Variants in ZBTB8OS observed in about 807,000 individuals in gnomAD.
The protein encoded by ZBTB8OS is tRNA-splicing ligase-activating factor archease.
In ZBTB8OS, 16 loss-of-function variants were observed where a neutral mutation model predicts 29.3. That is an observed-to-expected ratio of 0.55 (90% CI 0.37 to 0.83). The LOEUF (loss-of-function observed/expected upper bound fraction) is 0.83, where lower values mean the gene tolerates loss of function less well. Ranked by LOEUF, ZBTB8OS falls within the 40% of genes least tolerant of loss-of-function variation. The pLI is 0.00. For missense variants in ZBTB8OS, 160 were observed against 196.9 expected (o/e 0.81, Z 1.12); for synonymous variants, 70 against 64.6 (o/e 1.08, Z -0.40).
chr1:32,634,521 C>A, intron 2 of ZBTB8OS: 1 of 555,112 alleles, frequency 1.8e-6, no homozygotes, highest in Admixed American at 3.0e-5. Context: ...CCACCACACC[C>A]GGCCTTATTT....
At chr1:32,650,923 G>C, upstream of ZBTB8OS, 1 of 464,092 alleles carries the variant, frequency 2.2e-6, no homozygotes. Context: ...TAGCCTTCAA[G>C]AAAATGGCTG....
intron 1 of ZBTB8OS, among the ~76,000 whole-genome samples, chr1:32,637,359 C>T (rs1646049586): frequency 6.6e-6 from 1 of 151,606 alleles, no homozygotes; most frequent in Non-Finnish European, 1.5e-5. Context: ...GTCAGGGGCT[C>T]GAGACCAGCC....
At chr1:32,637,696 G>A (rs1026862096) in intron 1 of ZBTB8OS, among the ~76,000 whole-genome samples, 1 of 152,194 alleles carries the variant, frequency 6.6e-6, no homozygotes, top group Non-Finnish European at 1.5e-5. Flanking sequence ...GACTGGAAAA[G>A]AGCAAAAGGG....
intron 5 of ZBTB8OS, 22 bp from the exon 6 acceptor site, chr1:32,627,566 A>G: frequency 1.9e-6 from 3 of 1,608,246 alleles, no homozygotes; most frequent in Non-Finnish European, 2.6e-6. Flanking sequence ...AAATTAAAAC[A>G]TGATTAAGAT....
chr1:32,622,291 T>G (rs893802611), intron 6 of ZBTB8OS, among the ~76,000 whole-genome samples: 7 of 152,180 alleles, frequency 4.6e-5, no homozygotes, highest in African/African-American at 1.7e-4. Context: ...ACTGCAGCAC[T>G]ATTCACAATA....
At chr1:32,623,400 TTTCTC>T (rs1426773507) in intron 6 of ZBTB8OS, among the ~76,000 whole-genome samples, 2 of 152,166 alleles carry the variant, frequency 1.3e-5, no homozygotes, top group Non-Finnish European at 2.9e-5. Context: ...GAGACAATTC[TTTCTC>T]TTCTCCTCTA....
chr1:32,643,913 G>A (rs1056537199), intron 1 of ZBTB8OS, among the ~76,000 whole-genome samples: 4 of 151,488 alleles, frequency 2.6e-5, no homozygotes, highest in African/African-American at 9.7e-5. Flanking sequence ...TGGCCTTGTT[G>A]TACCCAAGCG....
chr1:32,648,084 T>G (rs1646992559), intron 1 of ZBTB8OS, among the ~76,000 whole-genome samples: 1 of 151,644 alleles, frequency 6.6e-6, no homozygotes. Context: ...AATATTAACA[T>G]ACACACCCCA....
chr1:32,625,394 T>C (rs569024806), intron 6 of ZBTB8OS, among the ~76,000 whole-genome samples: 164 of 150,682 alleles, frequency 1.1e-3, no homozygotes, highest in African/African-American at 3.7e-3. Flanking sequence ...ATTAGCCAGG[T>C]ATGGCGTCAT....
chr1:32,622,059 A>G, intron 6 of ZBTB8OS, 111 bp from the exon 7 acceptor site: 1 of 732,804 alleles, frequency 1.4e-6, no homozygotes, highest in Middle Eastern at 3.7e-4. Context: ...GTATTTTGAA[A>G]ATGAAAAACT....
At chr1:32,640,931 G>A (rs1415830036) in intron 1 of ZBTB8OS, among the ~76,000 whole-genome samples, 1 of 150,792 alleles carries the variant, frequency 6.6e-6, no homozygotes, top group Non-Finnish European at 1.5e-5. Flanking sequence ...TTGGGAGGCC[G>A]AGGTGGGCCG....
chr1:32,634,811 AACACTT>A lies in ZBTB8OS; in HGVS notation c.98-25_98-20del. On this transcript the variant is annotated intron_variant, in intron 1 of 6. Coordinates refer to ENST00000468695, the MANE Select transcript of ZBTB8OS (RefSeq NM_178547.5). Reference sequence around the variant, plus strand: ...TCCAAATCTGAGGGACAGAGGGAAAAACACTTATAAGACACTAAACTTGACTCTCAA... The same window carrying A: ...TCCAAATCTGAGGGACAGAGGGAAAAATAAGACACTAAACTTGACTCTCAA... 6.5e-7 allele frequency: 1 copy of A among 1,541,994 alleles called. No individual in the cohort carries two copies. Among genetic ancestry groups the A allele is most frequent in the Non-Finnish European group, 9.0e-7 (1 of 1,114,264 alleles).
intron 3 of ZBTB8OS, 78 bp downstream of exon 3, chr1:32,633,873 T>A: frequency 2.0e-6 from 3 of 1,511,384 alleles, no homozygotes; most frequent in South Asian, 2.7e-5. Flanking sequence ...TGTGAAAATA[T>A]ACTCAGATTA....
At chr1:32,630,400 C>A (rs1469263881) in intron 5 of ZBTB8OS, among the ~76,000 whole-genome samples, 1 of 151,604 alleles carries the variant, frequency 6.6e-6, no homozygotes, top group Non-Finnish European at 1.5e-5. Flanking sequence ...TCAACAACAA[C>A]AAATTAGCTG....
At chr1:32,642,343 A>C (rs1049051895) in intron 1 of ZBTB8OS, among the ~76,000 whole-genome samples, 2 of 151,958 alleles carry the variant, frequency 1.3e-5, no homozygotes, top group African/African-American at 2.4e-5. Flanking sequence ...GTATCTACTA[A>C]AAATGCAAAA....
chr1:32,650,103 G>C (rs939369840), intron 1 of ZBTB8OS, among the ~76,000 whole-genome samples: 1 of 152,118 alleles, frequency 6.6e-6, no homozygotes, highest in Non-Finnish European at 1.5e-5. Context: ...TAATCTCACC[G>C]TTGGGAAATA....
intron 1 of ZBTB8OS, among the ~76,000 whole-genome samples, chr1:32,645,619 C>T (rs1208663491): frequency 6.6e-6 from 1 of 152,000 alleles, no homozygotes; most frequent in Non-Finnish European, 1.5e-5. Context: ...GCAGTGGGGG[C>T]AATTATAGCT....
intron 1 of ZBTB8OS, among the ~76,000 whole-genome samples, chr1:32,638,948 T>C (rs1252870748): frequency 6.6e-6 from 1 of 152,034 alleles, no homozygotes; most frequent in African/African-American, 2.4e-5. Context: ...CATTCCATTT[T>C]ATTGAACATA....
intron 5 of ZBTB8OS, 51 bp downstream of exon 5, chr1:32,631,776 C>G: frequency 7.4e-7 from 1 of 1,344,902 alleles, no homozygotes; most frequent in Non-Finnish European, 1.0e-6. Context: ...TCATTGAATT[C>G]AATGAAGAAT....
Sources: allele counts gnomAD v4.1 joint callset (sites outside exome capture counted in the v4.1 genomes callset), GRCh38; gene constraint gnomAD v4.1.1; transcripts MANE v1.5; gene names NCBI Gene and HGNC (gene_info 2026-07-23, HGNC 2026-07-21).